DSCAML1: variants seen among roughly 807,000 people sequenced by gnomAD.
The protein encoded by DSCAML1 is cell adhesion molecule DSCAML1.
A neutral mutation model predicts 200.5 loss-of-function variants in DSCAML1; 38 were observed. The observed-to-expected ratio is 0.19, with a 90% confidence interval of 0.15 to 0.25. The LOEUF (loss-of-function observed/expected upper bound fraction) is 0.25. DSCAML1 is among the 10% of genes least tolerant of loss of function. The pLI, the probability that DSCAML1 is intolerant of heterozygous loss-of-function variation, is 1.00. For missense variants in DSCAML1, 2,223 were observed against 2,858.8 expected, an observed-to-expected ratio of 0.78 and a Z score of 5.07; for synonymous variants, 1,215 against 1,165.0, an observed-to-expected ratio of 1.04 and a Z score of -0.87.
chr11:117,543,336 C>G (rs758314546), intron 3 of DSCAML1, among the ~76,000 whole-genome samples: 2 of 151,654 alleles, frequency 1.3e-5, no homozygotes, highest in Admixed American at 6.6e-5. Flanking sequence ...AACCTGTGCT[C>G]GTGTGTGTAC....
intron 3 of DSCAML1, among the ~76,000 whole-genome samples, chr11:117,743,292 A>C (rs2054455843): frequency 6.6e-6 from 1 of 152,188 alleles, no homozygotes; most frequent in African/African-American, 2.4e-5. Flanking sequence ...GGTGCCCTGC[A>C]GGAAACCAGG....
At chr11:117,541,145 C>G (rs1397232159) in intron 3 of DSCAML1, among the ~76,000 whole-genome samples, 2 of 152,256 alleles carry the variant, frequency 1.3e-5, no homozygotes, top group Non-Finnish European at 2.9e-5. Flanking sequence ...CCTTTGCTGT[C>G]ACAAATTCCT....
At chr11:117,618,889 C>T (rs991991687) in intron 3 of DSCAML1, among the ~76,000 whole-genome samples, 7 of 152,120 alleles carry the variant, frequency 4.6e-5, no homozygotes, top group Admixed American at 2.6e-4. Context: ...GTGCCACTAC[C>T]GCTCACTGGG....
intron 11 of DSCAML1, among the ~76,000 whole-genome samples, chr11:117,499,313 G>A (rs2137264729): frequency 6.6e-6 from 1 of 152,252 alleles, no homozygotes; most frequent in African/African-American, 2.4e-5. Context: ...GAGGTGGTCT[G>A]GTGTCTTGAA....
At chr11:117,776,722 C>G in intron 3 of DSCAML1, 69 bp downstream of exon 3, 1 of 1,576,070 alleles carries the variant, frequency 6.3e-7, no homozygotes, top group African/African-American at 1.3e-5. Context: ...CCAGCTCAGG[C>G]ATCTCTACTT....
At chr11:117,651,428 G>A (rs1267740365) in intron 3 of DSCAML1, among the ~76,000 whole-genome samples, 1 of 152,118 alleles carries the variant, frequency 6.6e-6, no homozygotes, top group Non-Finnish European at 1.5e-5. Context: ...CCCCTAGGCC[G>A]GGTGCGGTGG....
At chr11:117,741,439 A>G (rs981804282) in intron 3 of DSCAML1, among the ~76,000 whole-genome samples, 1 of 152,276 alleles carries the variant, frequency 6.6e-6, no homozygotes, top group African/African-American at 2.4e-5. Context: ...CATGGAGCAG[A>G]TGCCCACTGC....
chr11:117,780,302 A>AAGAG lies in DSCAML1; in HGVS notation c.364+187_364+190dup, dbSNP rs371473149. On this transcript the variant is annotated intron_variant, in intron 2 of 32. Coordinates refer to ENST00000651296, the MANE Select transcript of DSCAML1 (RefSeq NM_020693.4). This position sits in a 1 kb window ranked among gnomAD's most constrained non-coding sequence, Gnocchi z 4.8. ...AAAGAAAGAAAGAAAGAAAGAAAGAAAGAGAGAAAGGAGAAAGAAAGGTGT... is the reference window on the plus strand; with the variant it reads ...AAAGAAAGAAAGAAAGAAAGAAAGAAAGAGAGAGAGAAAGGAGAAAGAAAGGTGT... Among the ~76,000 whole-genome samples the AAGAG allele has an allele frequency of 1.7e-5, 2 of 115,124 alleles. No individual in the cohort carries two copies. Among genetic ancestry groups the AAGAG allele is most frequent in the Non-Finnish European group, 3.7e-5 (2 of 54,190 alleles). 75.5% of individuals were successfully genotyped at this position (115,124 alleles called of 152,430 possible).
intron 3 of DSCAML1, among the ~76,000 whole-genome samples, chr11:117,553,197 G>C (rs2050499668): frequency 6.6e-6 from 1 of 152,126 alleles, no homozygotes; most frequent in Non-Finnish European, 1.5e-5. Context: ...GAACAGATAA[G>C]GGAAAACCTT....
At position 117,734,433 on chromosome 11, in the gene DSCAML1, C is replaced by A. The variant is rs536248430; in HGVS notation, c.511+42358G>T. Among the ~76,000 whole-genome samples the A allele has an allele frequency of 2.6e-5, 4 of 152,324 alleles. No individual in the cohort carries two copies. The South Asian group carries it at 8.3e-4, about 32-fold the overall frequency. ...GCCCCTCGGGTCCCCACATTCTCAA[C>A]TTCCCCAACACTGGCTTCCCCATTC... On this transcript the variant is annotated intron_variant, in intron 3 of 32. Transcript: ENST00000651296.
chr11:117,445,924 G>T (rs117195665), intron 20 of DSCAML1, among the ~76,000 whole-genome samples: 2,078 of 152,092 alleles, frequency 0.014, 43 homozygotes, highest in South Asian at 0.016. Context: ...TGGATCAAAG[G>T]TTTTTGAAAA....
At chr11:117,484,524 CAA>C (rs1306081728) in intron 11 of DSCAML1, among the ~76,000 whole-genome samples, 1 of 152,182 alleles carries the variant, frequency 6.6e-6, no homozygotes, top group African/African-American at 2.4e-5. Context: ...ATGCAAAAGA[CAA>C]ATAACGAGGT....
intron 3 of DSCAML1, among the ~76,000 whole-genome samples, chr11:117,608,732 G>A (rs1277679949): frequency 6.6e-6 from 1 of 152,126 alleles, no homozygotes; most frequent in Non-Finnish European, 1.5e-5. Flanking sequence ...TACATTCATA[G>A]AAATAAAGTT....
chr11:117,448,586 C>T (rs989041860), intron 20 of DSCAML1, among the ~76,000 whole-genome samples: 1 of 137,110 alleles, frequency 7.3e-6, no homozygotes, highest in Non-Finnish European at 1.5e-5. Flanking sequence ...CAGTATTGTC[C>T]AGAATTGTGA....
At chr11:117,702,141 G>C (rs1033146582) in intron 3 of DSCAML1, among the ~76,000 whole-genome samples, 1 of 152,128 alleles carries the variant, frequency 6.6e-6, no homozygotes, top group African/African-American at 2.4e-5. Flanking sequence ...CCTCCTTCCA[G>C]AATGATCTCT....
At chr11:117,672,333 G>A (rs553374293) in intron 3 of DSCAML1, among the ~76,000 whole-genome samples, 20 of 152,140 alleles carry the variant, frequency 1.3e-4, no homozygotes, top group African/African-American at 2.4e-4. Context: ...TGACATCATC[G>A]GTGCTTTGCT....
chr11:117,447,065 G>A (rs1330248865), intron 20 of DSCAML1, among the ~76,000 whole-genome samples: 1 of 152,140 alleles, frequency 6.6e-6, no homozygotes, highest in Non-Finnish European at 1.5e-5. Flanking sequence ...TGAGGAGGGC[G>A]GATCACTGAG....
intron 3 of DSCAML1, among the ~76,000 whole-genome samples, chr11:117,538,648 C>T (rs368737018): frequency 1.4e-4 from 21 of 152,276 alleles, no homozygotes; most frequent in East Asian, 1.2e-3. Flanking sequence ...CTCCCTGGAG[C>T]TGCAGGAGCC....
intron 8 of DSCAML1, among the ~76,000 whole-genome samples, chr11:117,508,264 A>G (rs1399581768): frequency 6.6e-6 from 1 of 151,998 alleles, no homozygotes; most frequent in African/African-American, 2.4e-5. Context: ...CCTTCCTTCC[A>G]CACAGCCCTG....
Sources: gnomAD v4.1 joint callset for allele counts (sites outside exome capture counted in the v4.1 genomes callset) on GRCh38, gnomAD v4.1.1 for gene constraint, Gnocchi (gnomAD v3.1) non-coding constraint, MANE v1.5 for transcripts, NCBI Gene and HGNC (gene_info 2026-07-23, HGNC 2026-07-21) for gene names.